The following ROBO2 variants were observed in gnomAD, a reference collection of about 807,000 sequenced individuals.
The protein encoded by ROBO2 is roundabout homolog 2.
In ROBO2, 53 loss-of-function variants were observed where a neutral mutation model predicts 160.8. The ratio of observed to expected loss-of-function variants is 0.33; its 90% CI spans 0.26 to 0.41. The LOEUF is 0.41. ROBO2 is among the 10% of genes least tolerant of loss of function. ROBO2 has a pLI of 1.00. For missense variants in ROBO2, 1,577 were observed against 1,722.4 expected, an observed-to-expected ratio of 0.92 and a Z score of 1.49; for synonymous variants, 664 against 611.7, an observed-to-expected ratio of 1.09 and a Z score of -1.26.
intron 2 of ROBO2, among the ~76,000 whole-genome samples, chr3:77,299,272 G>A (rs2062437683): frequency 6.6e-6 from 1 of 152,142 alleles, no homozygotes. Flanking sequence ...GATAGGTGTG[G>A]TATCAGGATG....
At chr3:76,418,712 A>C (rs1364795040) in intron 2 of ROBO2, among the ~76,000 whole-genome samples, 1 of 151,034 alleles carries the variant, frequency 6.6e-6, no homozygotes, top group African/African-American at 2.4e-5. Flanking sequence ...AACCAAACTC[A>C]GTTTTCTAAA....
chr3:76,752,680 T>C (rs1204529743), intron 2 of ROBO2, among the ~76,000 whole-genome samples: 1 of 151,706 alleles, frequency 6.6e-6, no homozygotes, highest in African/African-American at 2.4e-5. Context: ...TGAAAAAGAG[T>C]TTCCGTGTTA....
intron 2 of ROBO2, among the ~76,000 whole-genome samples, chr3:76,910,987 A>C: frequency 6.6e-6 from 1 of 152,272 alleles, no homozygotes; most frequent in Middle Eastern, 3.4e-3. Context: ...TGATTCTGAG[A>C]AAATACATAA....
chr3:76,057,780 G>GTT lies in ROBO2; in HGVS notation c.109+120186_109+120187dup, dbSNP rs11295514. ...CCTTGTTGAAGTAACAATTCAATTG[G>GTT]TTTTTTTTTGTCTGAAAAATCAGAC... is the stretch of plus-strand genomic sequence containing the variant. On this transcript the variant is annotated intron_variant, in intron 2 of 26. Coordinates refer to the ROBO2 transcript ENST00000487694. Among the ~76,000 whole-genome samples the GTT allele has an allele frequency of 1.1e-3, 171 of 150,644 alleles. 1 individual carries two copies. In the Middle Eastern group the frequency reaches 0.017, roughly 15 times the overall value.
At chr3:76,956,518 C>G (rs1407372603) in intron 2 of ROBO2, among the ~76,000 whole-genome samples, 3 of 148,776 alleles carry the variant, frequency 2.0e-5, no homozygotes, top group African/African-American at 7.5e-5. Flanking sequence ...GATCGCGCCA[C>G]TGCACTCCAG....
intron 2 of ROBO2, among the ~76,000 whole-genome samples, chr3:76,568,585 C>T (rs1457026390): frequency 6.6e-6 from 1 of 152,018 alleles, no homozygotes; most frequent in Non-Finnish European, 1.5e-5. Context: ...GGATTACAGG[C>T]GTGAGCCACC....
chr3:77,067,549 A>G (rs1029383152), intron 1 of ROBO2, among the ~76,000 whole-genome samples: 7 of 152,200 alleles, frequency 4.6e-5, no homozygotes, highest in African/African-American at 1.4e-4. Context: ...AAGATAGGGG[A>G]AAATATCACA....
At chr3:76,033,881 C>T (rs1388476917) in intron 2 of ROBO2, among the ~76,000 whole-genome samples, 1 of 152,150 alleles carries the variant, frequency 6.6e-6, no homozygotes, top group Non-Finnish European at 1.5e-5. Context: ...TGTGGTTACC[C>T]TCCTTAATAG....
intron 2 of ROBO2, among the ~76,000 whole-genome samples, chr3:76,393,643 G>A (rs9816896): frequency 0.26 from 39,847 of 151,996 alleles, 7,524 homozygotes; most frequent in African/African-American, 0.54. Context: ...GGACACAATA[G>A]TTGAACTTGA....
chr3:77,054,712 G>A (rs901612090), intron 1 of ROBO2, among the ~76,000 whole-genome samples: 1 of 152,156 alleles, frequency 6.6e-6, no homozygotes, highest in Non-Finnish European at 1.5e-5. Flanking sequence ...CAGCATCTCA[G>A]TAAAACAGAA....
chr3:76,084,336 G>A (rs1450641171), intron 2 of ROBO2, among the ~76,000 whole-genome samples: 1 of 151,998 alleles, frequency 6.6e-6, no homozygotes, highest in East Asian at 1.9e-4. Flanking sequence ...CACAGCCACC[G>A]GAGTCCTAAT....
chr3:76,486,434 A>G (rs979612840), intron 2 of ROBO2, among the ~76,000 whole-genome samples: 7 of 152,162 alleles, frequency 4.6e-5, no homozygotes, highest in Non-Finnish European at 7.3e-5. Context: ...AGTCATGACA[A>G]TGTTGAACAG....
At chr3:76,009,340 T>C (rs1389021872) in intron 2 of ROBO2, among the ~76,000 whole-genome samples, 10 of 152,110 alleles carry the variant, frequency 6.6e-5, no homozygotes, top group Admixed American at 6.5e-4. Context: ...CCTGACCTCG[T>C]GATCCTCGCA....
At chr3:76,208,345 A>G (rs1702933546) in intron 2 of ROBO2, among the ~76,000 whole-genome samples, 1 of 152,186 alleles carries the variant, frequency 6.6e-6, no homozygotes, top group Admixed American at 6.5e-5. Flanking sequence ...ATTAATCATC[A>G]TTTATTTGAA....
chr3:77,060,608 G>A (rs1226764742), intron 1 of ROBO2, among the ~76,000 whole-genome samples: 2 of 152,104 alleles, frequency 1.3e-5, no homozygotes, highest in Non-Finnish European at 2.9e-5. Flanking sequence ...AATAGCAAAT[G>A]CAGAGAGAGG....
chr3:76,044,291 T>C (rs1200619903), intron 2 of ROBO2, among the ~76,000 whole-genome samples: 1 of 152,048 alleles, frequency 6.6e-6, no homozygotes, highest in Non-Finnish European at 1.5e-5. Context: ...ACATCTGTGT[T>C]CTTCAGCTTG....
chr3:77,141,804 A>G (rs905730061), intron 2 of ROBO2, among the ~76,000 whole-genome samples: 5 of 152,224 alleles, frequency 3.3e-5, no homozygotes, highest in African/African-American at 9.6e-5. Flanking sequence ...AAACCAAACA[A>G]GCTTACTGAA....
intron 2 of ROBO2, among the ~76,000 whole-genome samples, chr3:76,088,618 C>A (rs1242982636): frequency 6.6e-6 from 1 of 151,956 alleles, no homozygotes; most frequent in African/African-American, 2.4e-5. Flanking sequence ...CTAAATTACC[C>A]ATGGGTCAAA....
intron 4 of ROBO2, among the ~76,000 whole-genome samples, chr3:77,492,593 T>A (rs970480311): frequency 2.6e-5 from 4 of 152,040 alleles, no homozygotes; most frequent in African/African-American, 9.7e-5. Context: ...GAGAAGACCA[T>A]TGGAGAAAAC....
Sources: allele counts gnomAD v4.1 joint callset (sites outside exome capture counted in the v4.1 genomes callset), GRCh38; gene constraint gnomAD v4.1.1; transcripts MANE v1.5; gene names NCBI Gene and HGNC (gene_info 2026-07-23, HGNC 2026-07-21).